The following DCTN6 variants were observed in gnomAD, a reference collection of about 807,000 sequenced individuals.
DCTN6 encodes the protein dynactin 6.
A neutral mutation model predicts 25.8 loss-of-function variants in DCTN6; 15 were observed. That is an observed-to-expected ratio of 0.58 (90% confidence interval 0.39 to 0.89). DCTN6 has a LOEUF of 0.89. DCTN6 is among the 40% of genes least tolerant of loss of function. The pLI, the probability that DCTN6 is intolerant of heterozygous loss-of-function variation, is 0.00. For synonymous variants in DCTN6, 64 were observed against 78.3 expected (o/e 0.82, Z 0.96); for missense variants, 198 against 237.6 (o/e 0.83, Z 1.09).
intron 5 of DCTN6, among the ~76,000 whole-genome samples, chr8:30,179,973 C>A (rs962545348): frequency 1.3e-5 from 2 of 152,128 alleles, no homozygotes; most frequent in Non-Finnish European, 2.9e-5. Context: ...GATGACAATT[C>A]TTTAGAATAG....
chr8:30,175,492 C>T (rs1161656014), intron 3 of DCTN6, among the ~76,000 whole-genome samples: 2 of 151,746 alleles, frequency 1.3e-5, no homozygotes, highest in African/African-American at 4.8e-5. Context: ...CCGAACACTT[C>T]AAGCCTCCAA....
At position 30,179,314 on chromosome 8, in the gene DCTN6, CT is replaced by C. The variant is rs1226776436; in HGVS notation, c.284-93del. On this transcript the variant is annotated intron_variant, in intron 4 of 6. Transcript: ENST00000221114. ...AGCCTGCATGGCCCATCTGACACCC[CT>C]GTCCTCTGTCCCAGTGCAATGTAAG... 4 of 1,026,924 alleles carry C rather than the reference CT, an allele frequency of 3.9e-6. No individual in the cohort carries two copies. The African/African-American group carries it at 6.4e-5, about 16-fold the overall frequency. The allele number at this position is 1,026,924 out of a possible 1,614,324, so 63.6% of individuals were successfully genotyped here. A position where few individuals can be genotyped will look rare whatever the true frequency, so the allele number is the denominator to read the frequency against.
chr8:30,180,469 T>G lies in DCTN6; in HGVS notation c.332-19T>G, dbSNP rs199537791. 17 of 1,605,260 alleles carry G rather than the reference T, an allele frequency of 1.1e-5. No homozygotes were observed. The East Asian group carries it at 3.1e-4, about 30-fold the overall frequency. On this transcript the variant is annotated intron_variant, in intron 5 of 6. Transcript: ENST00000221114. ...ATTTGATGTCTTAAGTTGCAGTTCT[T>G]TCTGTGTTTTTATTGCAGCATATGT... is the stretch of plus-strand genomic sequence containing the variant.
intron 2 of DCTN6, among the ~76,000 whole-genome samples, chr8:30,170,495 A>C (rs894640048): frequency 6.6e-5 from 10 of 152,180 alleles, no homozygotes; most frequent in African/African-American, 2.4e-4. Flanking sequence ...TCAGATTTCT[A>C]ACCAGGCATT....
At chr8:30,178,019 G>T (rs943318047) in intron 4 of DCTN6, among the ~76,000 whole-genome samples, 2 of 152,312 alleles carry the variant, frequency 1.3e-5, no homozygotes, top group Non-Finnish European at 1.5e-5. Flanking sequence ...AGCTTTGTCA[G>T]TGTGGTTCCT....
At chr8:30,160,695 A>T (rs1248603338) in intron 1 of DCTN6, among the ~76,000 whole-genome samples, 1 of 152,254 alleles carries the variant, frequency 6.6e-6, no homozygotes, top group Non-Finnish European at 1.5e-5. Flanking sequence ...TGTATTAGGT[A>T]TTGTAAATTA....
intron 2 of DCTN6, among the ~76,000 whole-genome samples, chr8:30,173,673 G>A (rs1803791772): frequency 6.7e-6 from 1 of 150,342 alleles, no homozygotes; most frequent in South Asian, 2.1e-4. Context: ...AAGGCTGGAG[G>A]GAGTTATGAT....
At chr8:30,179,762 T>C (rs1356430698) in intron 5 of DCTN6, among the ~76,000 whole-genome samples, 1 of 152,192 alleles carries the variant, frequency 6.6e-6, no homozygotes, top group Non-Finnish European at 1.5e-5. Flanking sequence ...TTAGTGTTGT[T>C]GTAGAATTAA....
intron 4 of DCTN6, among the ~76,000 whole-genome samples, chr8:30,177,645 A>T (rs1803859550): frequency 6.6e-6 from 1 of 152,170 alleles, no homozygotes; most frequent in South Asian, 2.1e-4. Context: ...TGAACTCGGG[A>T]GGCAGAGGTT....
chr8:30,180,570 T>G lies in DCTN6; in HGVS notation c.414T>G (p.Pro138=). The change falls in exon 6 of 7, where the codon CCT becomes CCG. Residue 138 remains proline, a synonymous_variant. Transcript: ENST00000221114. ...ACCTAAATACATTTGAAGTCATCCC[T>G]GAGAATACGGTGATCTATGGTGCAG... is the stretch of plus-strand genomic sequence containing the variant. The part of the protein sequence containing the change: ...CCNLNTFEVI[P]ENTVIYGADC... 1 of 1,614,100 alleles carries G rather than the reference T, an allele frequency of 6.2e-7. No individual in the cohort carries two copies. Among genetic ancestry groups the G allele is most frequent in the South Asian group, 1.1e-5 (1 of 91,084 alleles).
intron 2 of DCTN6, among the ~76,000 whole-genome samples, chr8:30,165,465 G>A (rs983162154): frequency 6.7e-6 from 1 of 148,838 alleles, no homozygotes; most frequent in Admixed American, 6.7e-5. Context: ...ACCCTGTAAC[G>A]TCATTTTTTT....
At chr8:30,168,185 TTATA>T (rs1803712502) in intron 2 of DCTN6, among the ~76,000 whole-genome samples, 1 of 151,984 alleles carries the variant, frequency 6.6e-6, no homozygotes, top group Non-Finnish European at 1.5e-5. Context: ...TTCAGAAGAG[TTATA>T]TAGTTACCCA....
At position 30,180,471 on chromosome 8, in the gene DCTN6, C is replaced by T. The variant is rs759467089; in HGVS notation, c.332-17C>T. ...TTGATGTCTTAAGTTGCAGTTCTTT[C>T]TGTGTTTTTATTGCAGCATATGTAG... is the stretch of plus-strand genomic sequence containing the variant. On this transcript the variant is annotated splice_polypyrimidine_tract_variant and intron_variant, in intron 5 of 6. Coordinates refer to ENST00000221114, the MANE Select transcript of DCTN6 (RefSeq NM_006571.4). 3 of 1,604,670 alleles carry T rather than the reference C, an allele frequency of 1.9e-6. No individual in the cohort carries two copies. Among genetic ancestry groups the T allele is most frequent in the Non-Finnish European group, 2.6e-6 (3 of 1,174,190 alleles).
intron 1 of DCTN6, among the ~76,000 whole-genome samples, chr8:30,157,288 G>T (rs1803538969): frequency 6.6e-6 from 1 of 152,202 alleles, no homozygotes; most frequent in South Asian, 2.1e-4. Context: ...TGATGGCTCT[G>T]TAGTATTCCA....
At chr8:30,182,465 GAACTTTT>G (rs1803922016) in intron 6 of DCTN6, among the ~76,000 whole-genome samples, 1 of 151,954 alleles carries the variant, frequency 6.6e-6, no homozygotes, top group Non-Finnish European at 1.5e-5. Context: ...TCTGTAATCG[GAACTTTT>G]AACTTTTCAG....
At chr8:30,167,893 G>A (rs1053798675) in intron 2 of DCTN6, among the ~76,000 whole-genome samples, 1 of 151,768 alleles carries the variant, frequency 6.6e-6, no homozygotes, top group Non-Finnish European at 1.5e-5. Flanking sequence ...TAGAGACAGG[G>A]TTTCACCATG....
intron 1 of DCTN6, 77 bp downstream of exon 1, chr8:30,156,483 C>G: frequency 6.6e-7 from 1 of 1,521,104 alleles, no homozygotes; most frequent in African/African-American, 1.4e-5. Flanking sequence ...CCAATGGTGG[C>G]GACTCAGAAG....
intron 3 of DCTN6, chr8:30,176,834 G>A (rs1027589541): frequency 3.7e-6 from 1 of 268,938 alleles, no homozygotes; most frequent in Non-Finnish European, 7.2e-6. Flanking sequence ...AATTAGCCAG[G>A]CCTAGTGGCA....
At position 30,159,477 on chromosome 8, in the gene DCTN6, G is replaced by A. The variant is rs1159295481; in HGVS notation, c.23+3071G>A. 5.9e-5 allele frequency among the ~76,000 whole-genome samples: 9 copies of A among 152,220 alleles called. 2 individuals are homozygous for A. In the South Asian group the frequency reaches 1.5e-3, roughly 25 times the overall value. ...GATTCTGGCATAGAAATGATGGAGA[G>A]ACATGTTAATGAAAGAATCTTTACC... is the stretch of plus-strand genomic sequence containing the variant. On this transcript the variant is annotated intron_variant, in intron 1 of 6. Coordinates refer to ENST00000221114, the MANE Select transcript of DCTN6 (RefSeq NM_006571.4).
Sources: gnomAD v4.1 joint callset for allele counts (sites outside exome capture counted in the v4.1 genomes callset) on GRCh38, gnomAD v4.1.1 for gene constraint, MANE v1.5 for transcripts, NCBI Gene and HGNC (gene_info 2026-07-23, HGNC 2026-07-21) for gene names.